The following ENTPD1 variants were observed in gnomAD, a reference collection of about 807,000 sequenced individuals.
ENTPD1 encodes ATP diphosphohydrolase.
Under a neutral mutation model 57.0 loss-of-function variants are expected in ENTPD1, and 33 were observed. The observed-to-expected ratio is 0.58, with a 90% confidence interval of 0.44 to 0.77. ENTPD1 has a LOEUF of 0.77. Among genes scored for constraint, ENTPD1 ranks in the 30% least tolerant of loss-of-function variants. The probability of loss-of-function intolerance (pLI) is 0.00; values close to 1 mark genes in which losing one functional copy is unlikely to be tolerated. For synonymous variants in ENTPD1, 202 were observed against 218.8 expected (o/e 0.92, Z 0.68); for missense variants, 501 against 603.4 (o/e 0.83, Z 1.78).
At position 95,772,201 on chromosome 10, in the gene ENTPD1, T is replaced by A. The variant is rs991615001; in HGVS notation, c.16+15946T>A. The stretch of plus-strand genomic sequence containing the variant: ...TTTATGTTGCTGACTTATCAGGAGT[T>A]GGTTGCTGAAGGTTGGAGTGGCTGT... On this transcript the variant is annotated intron_variant, in intron 1 of 9. Transcript: ENST00000371205. Among the ~76,000 whole-genome samples the A allele has an allele frequency of 1.1e-4, 17 of 152,356 alleles. No individual in the cohort carries two copies. The East Asian group carries it at 2.5e-3, about 22-fold the overall frequency.
At chr10:95,709,399 T>C (rs932877454), upstream of ENTPD1, among the ~76,000 whole-genome samples, 3 of 152,206 alleles carry the variant, frequency 2.0e-5, no homozygotes, top group Non-Finnish European at 2.9e-5. Context: ...CTTTGTTTTT[T>C]TGAGACGAAG....
chr10:95,858,366 C>G (rs750489728), intron 7 of ENTPD1, among the ~76,000 whole-genome samples: 12 of 152,022 alleles, frequency 7.9e-5, no homozygotes, highest in Non-Finnish European at 1.3e-4. Context: ...GGGGGCAGGG[C>G]TAGAACATGC....
chr10:95,860,631 T>C (rs761923140), intron 8 of ENTPD1, 49 bp downstream of exon 8: 2 of 1,514,860 alleles, frequency 1.3e-6, no homozygotes, highest in South Asian at 2.3e-5. Context: ...CCCTGTGTCG[T>C]TGCTGATGCA....
Position 95,865,929 on chromosome 10 carries a change from A to T in ENTPD1, c.1327-248A>T, listed in dbSNP as rs143778374. Among the ~76,000 whole-genome samples, 444 of 152,090 alleles carry T rather than the reference A, an allele frequency of 2.9e-3. 1 individual carries two copies. Among genetic ancestry groups the T allele is most frequent in the South Asian group, 5.0e-3 (24 of 4,798 alleles). On this transcript the variant is annotated intron_variant, in intron 9 of 9. Transcript: ENST00000371205. ...ACTACAGACATGTTCCACCGTGCCC[A>T]GCTAATTTTATTTTTTAGAGAGACA...
intron 1 of ENTPD1, among the ~76,000 whole-genome samples, chr10:95,761,537 C>T (rs2098063083): frequency 6.6e-6 from 1 of 152,102 alleles, no homozygotes; most frequent in Non-Finnish European, 1.5e-5. Flanking sequence ...CACCAAGCTG[C>T]CACTTCTAGT....
chr10:95,797,362 A>G (rs987199665), intron 1 of ENTPD1, among the ~76,000 whole-genome samples: 10 of 152,174 alleles, frequency 6.6e-5, no homozygotes, highest in African/African-American at 2.2e-4. Flanking sequence ...GGCTGGAAAT[A>G]CAGATCAGGG....
intron 7 of ENTPD1, among the ~76,000 whole-genome samples, chr10:95,854,108 G>A (rs1292343901): frequency 6.6e-6 from 1 of 152,178 alleles, no homozygotes; most frequent in Non-Finnish European, 1.5e-5. Context: ...CTCAATTTCA[G>A]AGCCTGTTAT....
At chr10:95,780,549 AT>A (rs1326980548) in intron 1 of ENTPD1, among the ~76,000 whole-genome samples, 1 of 152,094 alleles carries the variant, frequency 6.6e-6, no homozygotes, top group African/African-American at 2.4e-5. Flanking sequence ...GCTTTTTGTA[AT>A]TTTTTTCCCT....
At position 95,872,582 on chromosome 10, in the gene ENTPD1, C is replaced by G. The variant is rs544916210; in HGVS notation, c.*6199C>G. 15 of 985,406 alleles carry G rather than the reference C, an allele frequency of 1.5e-5. No homozygotes were observed. The African/African-American group carries it at 2.4e-4, about 16-fold the overall frequency. 61.0% of individuals were successfully genotyped at this position (985,406 alleles called of 1,614,324 possible). The stretch of plus-strand genomic sequence containing the variant: ...CCCTTTAACTGAGCCTCCATTAGTG[C>G]ACTGAGACCATTCTGTTCAGTGTCT... On this transcript the variant is annotated 3_prime_UTR_variant, in exon 10 of 10. Transcript: ENST00000371205.
In ENTPD1 at chr10:95,873,102, C is replaced by T; in HGVS notation, c.*6719C>T. The stretch of plus-strand genomic sequence containing the variant: ...ATAATTCAGTAGGTCTGGGGTGAGG[C>T]CTGAGGTTTTACATTTCCAACAAGC... On this transcript the variant is annotated 3_prime_UTR_variant, in exon 10 of 10. Coordinates refer to ENST00000371205, the MANE Select transcript of ENTPD1 (RefSeq NM_001776.6). 5 of 946,016 alleles carry T rather than the reference C, an allele frequency of 5.3e-6. No homozygotes were observed. The highest frequency in any genetic ancestry group is 6.3e-6 in the Non-Finnish European group (5 of 794,326). The allele number at this position is 946,016 out of a possible 1,614,324, so 58.6% of individuals were successfully genotyped here. A position where few individuals can be genotyped will look rare whatever the true frequency, so the allele number is the denominator to read the frequency against.
chr10:95,849,459 A>C (rs1027311678), intron 7 of ENTPD1, among the ~76,000 whole-genome samples: 1 of 152,122 alleles, frequency 6.6e-6, no homozygotes, highest in African/African-American at 2.4e-5. Flanking sequence ...CCCCTCCAGG[A>C]CCCCAGCAAG....
At chr10:95,736,481 A>G (rs911220457) in intron 1 of ENTPD1, among the ~76,000 whole-genome samples, 1 of 151,612 alleles carries the variant, frequency 6.6e-6, no homozygotes, top group African/African-American at 2.4e-5. Context: ...AAGTTAATAA[A>G]CTCCTTTCCC....
At chr10:95,831,750 C>T (rs2098397339) in intron 2 of ENTPD1, among the ~76,000 whole-genome samples, 1 of 152,236 alleles carries the variant, frequency 6.6e-6, no homozygotes, top group African/African-American at 2.4e-5. Flanking sequence ...GCCCTCATGC[C>T]TGGGCCACAT....
rs576614443 is a variant in ENTPD1 at position 95,826,198 on chromosome 10, C to A, written c.144+2834C>A. ...ACCAAATGAAAGTTTTGGGGCCAGG[C>A]AAGTCTTCCCTGAAAAAATGATACT... On this transcript the variant is annotated intron_variant, in intron 2 of 9. Transcript: ENST00000371205. Among the ~76,000 whole-genome samples the A allele has an allele frequency of 8.5e-5, 13 of 152,100 alleles. No homozygotes were observed. The East Asian group carries it at 2.5e-3, about 29-fold the overall frequency.
chr10:95,735,636 C>T (rs2097993862), intron 1 of ENTPD1, among the ~76,000 whole-genome samples: 1 of 152,128 alleles, frequency 6.6e-6, no homozygotes, highest in Non-Finnish European at 1.5e-5. Context: ...CGCCCTGTTG[C>T]CCAGGCTGGA....
chr10:95,790,849 A>C (rs559903692), intron 1 of ENTPD1, among the ~76,000 whole-genome samples: 1 of 152,330 alleles, frequency 6.6e-6, no homozygotes, highest in East Asian at 1.9e-4. Flanking sequence ...AAATAGTTTG[A>C]AATCTACCTT....
intron 1 of ENTPD1, among the ~76,000 whole-genome samples, chr10:95,790,351 CTA>C (rs772911386): frequency 2.6e-5 from 4 of 152,088 alleles, no homozygotes; most frequent in East Asian, 3.8e-4. Context: ...TGTAAATTGA[CTA>C]TGTGTGTTAT....
At chr10:95,808,165 A>G (rs75231416) in intron 1 of ENTPD1, among the ~76,000 whole-genome samples, 3 of 152,318 alleles carry the variant, frequency 2.0e-5, no homozygotes, top group Non-Finnish European at 4.4e-5. Flanking sequence ...TTCTGTGTCT[A>G]TTGAGATAAC....
At chr10:95,828,788 G>A (rs546663752) in intron 2 of ENTPD1, among the ~76,000 whole-genome samples, 5 of 145,818 alleles carry the variant, frequency 3.4e-5, no homozygotes, top group East Asian at 4.0e-4. Flanking sequence ...TCGGCTCACC[G>A]CAATCTCTGC....
Sources: allele counts gnomAD v4.1 joint callset (sites outside exome capture counted in the v4.1 genomes callset), GRCh38; gene constraint gnomAD v4.1.1; transcripts MANE v1.5; gene names NCBI Gene and HGNC (gene_info 2026-07-23, HGNC 2026-07-21).